Variants in LRRC63 observed in about 807,000 individuals in gnomAD.
LRRC63 encodes leucine-rich repeat-containing protein 63.
LRRC63 carries 40 observed loss-of-function variants against 49.5 expected under a neutral mutation model. That is an observed-to-expected ratio of 0.81 (90% CI 0.63 to 1.05). The LOEUF (loss-of-function observed/expected upper bound fraction) is 1.05, where lower values mean the gene tolerates loss of function less well. Among genes scored for constraint, LRRC63 ranks in the 50% least tolerant of loss-of-function variants. The pLI, the probability that LRRC63 is intolerant of heterozygous loss-of-function variation, is 0.00. For synonymous variants in LRRC63, 191 were observed against 221.1 expected, an observed-to-expected ratio of 0.86 and a Z score of 1.21; for missense variants, 636 against 663.1, an observed-to-expected ratio of 0.96 and a Z score of 0.45.
chr13:46,250,607 T>C, intron 7 of LRRC63, 116 bp downstream of exon 7: 2 of 833,804 alleles, frequency 2.4e-6, no homozygotes, highest in Non-Finnish European at 3.7e-6. Flanking sequence ...ATTTGTATTC[T>C]ATTCTAATTA....
intron 2 of LRRC63, among the ~76,000 whole-genome samples, chr13:46,216,878 TG>T (rs901728298): frequency 1.1e-4 from 17 of 152,242 alleles, no homozygotes; most frequent in African/African-American, 4.1e-4. Flanking sequence ...TTTTTGTCAT[TG>T]GTTCTGTTTA....
At position 46,256,807 on chromosome 13, in the gene LRRC63, C is replaced by A. The variant is rs141959647; in HGVS notation, c.1227-5102C>A. Among the ~76,000 whole-genome samples the A allele has an allele frequency of 3.3e-5, 5 of 152,080 alleles. No individual in the cohort carries two copies. In the East Asian group the frequency reaches 9.7e-4, roughly 29 times the overall value. On this transcript the variant is annotated intron_variant, in intron 7 of 9. Transcript: ENST00000595396. ...GTTGATGCTGTAAAGGTTAACCTTT[C>A]GGGAAATTGAGATAAGTGAATGTAT...
chr13:46,258,450 T>G (rs1022770816), intron 7 of LRRC63, among the ~76,000 whole-genome samples: 1 of 151,106 alleles, frequency 6.6e-6, no homozygotes, highest in African/African-American at 2.4e-5. Flanking sequence ...TTAACTTCAG[T>G]TTCCATCTGA....
In LRRC63 at chr13:46,228,178, A is replaced by C. The variant is rs763903052; in HGVS notation, c.752A>C (p.Gln251Pro). ...GTTTTACCAAGAAAACCTCACAGGC[A>C]GTCTGTGATAGGTAAATACAATCTG... The change falls in exon 3 of 10, where the codon CAG (glutamine) becomes CCG (proline). Residue 251 changes from glutamine (Q) to proline (P), a missense_variant. Gln to Pro is a moderately conservative substitution (Grantham distance 76, BLOSUM62 -1). Coordinates refer to ENST00000595396, the Ensembl canonical transcript of LRRC63. 5 of 1,543,208 alleles carry C rather than the reference A, an allele frequency of 3.2e-6. No individual in the cohort carries two copies. The South Asian group carries it at 6.0e-5, about 19-fold the overall frequency.
At chr13:46,246,706 C>T (rs1256610217) in intron 6 of LRRC63, 81 bp downstream of exon 6, 43 of 598,204 alleles carry the variant, frequency 7.2e-5, no homozygotes, top group Non-Finnish European at 9.8e-5. Flanking sequence ...CTTTTAATAC[C>T]TTGAAGTTAC....
At chr13:46,229,452 C>CT (rs1324084833) in intron 4 of LRRC63, among the ~76,000 whole-genome samples, 1 of 152,178 alleles carries the variant, frequency 6.6e-6, no homozygotes, top group Non-Finnish European at 1.5e-5. Flanking sequence ...GAAGCTCTGC[C>CT]TTTACCTTGG....
intron 7 of LRRC63, among the ~76,000 whole-genome samples, chr13:46,258,807 CAAAA>C (rs11451920): frequency 2.2e-5 from 2 of 89,998 alleles, no homozygotes; most frequent in Non-Finnish European, 2.4e-5. Flanking sequence ...GACTCTGTCT[CAAAA>C]AAAAAAAAAA....
Position 46,262,024 on chromosome 13 carries a change from C to G in LRRC63, c.1310+32C>G, listed in dbSNP as rs1051694865. On this transcript the variant is annotated intron_variant, in intron 8 of 9. Coordinates refer to ENST00000595396, the Ensembl canonical transcript of LRRC63. Reference sequence around the variant, plus strand: ...TGGAAGTACACAGAAAGTTATATGCCCCTTAATTATATATTTAATAATGAT... The same window carrying G: ...TGGAAGTACACAGAAAGTTATATGCGCCTTAATTATATATTTAATAATGAT... 5.3e-5 allele frequency: 34 copies of G among 636,656 alleles called. 1 individual carries two copies. The African/African-American group carries it at 6.1e-4, about 11-fold the overall frequency. The allele number at this position is 636,656 out of a possible 1,614,324, so 39.4% of individuals were successfully genotyped here.
At chr13:46,259,047 G>A (rs1161960959) in intron 7 of LRRC63, among the ~76,000 whole-genome samples, 1 of 152,124 alleles carries the variant, frequency 6.6e-6, no homozygotes, top group Non-Finnish European at 1.5e-5. Flanking sequence ...CTAAGGTTTT[G>A]CTTTGAGCAA....
chr13:46,241,974 A>G (rs1165109784), intron 5 of LRRC63, among the ~76,000 whole-genome samples: 1 of 152,226 alleles, frequency 6.6e-6, no homozygotes, highest in African/African-American at 2.4e-5. Flanking sequence ...CTGGGTATAT[A>G]CCCAAACCAA....
At chr13:46,226,682 A>G (rs1195968809) in intron 2 of LRRC63, among the ~76,000 whole-genome samples, 6 of 152,240 alleles carry the variant, frequency 3.9e-5, no homozygotes, top group African/African-American at 1.2e-4. Flanking sequence ...TAGAACTCCA[A>G]TAGCTCTGTT....
At chr13:46,251,364 A>G (rs1457678077) in intron 7 of LRRC63, among the ~76,000 whole-genome samples, 1 of 151,910 alleles carries the variant, frequency 6.6e-6, no homozygotes, top group Non-Finnish European at 1.5e-5. Flanking sequence ...CATATCACAC[A>G]TTACACACTA....
At chr13:46,235,113 G>A (rs192877171) in intron 5 of LRRC63, among the ~76,000 whole-genome samples, 88 of 152,122 alleles carry the variant, frequency 5.8e-4, no homozygotes, top group African/African-American at 2.0e-3. Context: ...TTCACATTTC[G>A]CTGACCTCTA....
In LRRC63 at chr13:46,269,906, C is replaced by CATATATATATATATAT. The variant is rs149054055; in HGVS notation, c.1550+2949_1550+2950insTATATATATATATATA. On this transcript the variant is annotated intron_variant, in intron 9 of 9. Coordinates refer to ENST00000595396, the Ensembl canonical transcript of LRRC63. ...GTATAGATATAGTAGACACTATATACATATATATATATATAGTAGTCATCC... is the reference window on the plus strand; with the variant it reads ...GTATAGATATAGTAGACACTATATACATATATATATATATATATATATATATATATAGTAGTCATCC... Among the ~76,000 whole-genome samples, 583 of 145,608 alleles carry CATATATATATATATAT rather than the reference C, an allele frequency of 4.0e-3. 2 individuals carry two copies. The highest frequency in any genetic ancestry group is 0.011 in the Middle Eastern group (3 of 278).
chr13:46,270,110 G>T, intron 9 of LRRC63: 1 of 654,420 alleles, frequency 1.5e-6, no homozygotes, highest in South Asian at 1.7e-5. Context: ...AGAGCCGGTG[G>T]TGCCTTTGTT....
chr13:46,241,826 C>T (rs1388085796), intron 5 of LRRC63, among the ~76,000 whole-genome samples: 12 of 151,940 alleles, frequency 7.9e-5, no homozygotes, highest in Admixed American at 6.6e-4. Flanking sequence ...ATAACAGATG[C>T]TGTTGAGGTT....
At position 46,246,743 on chromosome 13, in the gene LRRC63, A is replaced by G. The variant is rs2047224978; in HGVS notation, c.1089+118A>G. 2.0e-5 allele frequency: 9 copies of G among 448,464 alleles called. 1 individual carries two copies. 27.8% of individuals were successfully genotyped at this position (448,464 alleles called of 1,614,324 possible). On this transcript the variant is annotated intron_variant, in intron 6 of 9. Coordinates refer to ENST00000595396, the Ensembl canonical transcript of LRRC63. ...ATAAAGTACTGTAAATGTATTTTGG[A>G]TTGCATCTTTTGAATGGCTTATTTT...
intron 7 of LRRC63, among the ~76,000 whole-genome samples, chr13:46,253,123 G>A (rs2047427126): frequency 6.6e-6 from 1 of 151,896 alleles, no homozygotes; most frequent in African/African-American, 2.4e-5. Flanking sequence ...AGTGAGCATG[G>A]AGAAGGAGGA....
intron 9 of LRRC63, among the ~76,000 whole-genome samples, chr13:46,269,168 T>G (rs2047721618): frequency 6.6e-6 from 1 of 150,862 alleles, no homozygotes; most frequent in Non-Finnish European, 1.5e-5. Context: ...GATTCTAAAA[T>G]GTATATGGAA....
Sources: gnomAD v4.1 joint callset for allele counts (sites outside exome capture counted in the v4.1 genomes callset) on GRCh38, gnomAD v4.1.1 for gene constraint, MANE v1.5 for transcripts, NCBI Gene and HGNC (gene_info 2026-07-23, HGNC 2026-07-21) for gene names.